Variants in WDR7 observed in about 807,000 individuals in gnomAD.
WDR7 encodes the protein WD repeat-containing protein 7.
Under a neutral mutation model 169.4 loss-of-function variants are expected in WDR7, and 46 were observed. The ratio of observed to expected loss-of-function variants is 0.27; its 90% CI spans 0.21 to 0.35. The LOEUF (loss-of-function observed/expected upper bound fraction) is 0.35, where lower values mean the gene tolerates loss of function less well. Among genes scored for constraint, WDR7 ranks in the 10% least tolerant of loss-of-function variants. The probability of loss-of-function intolerance (pLI) is 1.00; values close to 1 mark genes in which losing one functional copy is unlikely to be tolerated. For missense variants in WDR7, 1,534 were observed against 1,859.3 expected, an observed-to-expected ratio of 0.83 and a Z score of 3.22; for synonymous variants, 612 against 666.8, an observed-to-expected ratio of 0.92 and a Z score of 1.27.
At chr18:56,676,717 GT>G (rs1054564787) in intron 2 of WDR7, among the ~76,000 whole-genome samples, 6 of 145,448 alleles carry the variant, frequency 4.1e-5, no homozygotes, top group Non-Finnish European at 6.1e-5. Context: ...TGTTTTTTTG[GT>G]TTTTTTTTTG....
At chr18:56,734,752 G>A (rs999207496) in intron 14 of WDR7, among the ~76,000 whole-genome samples, 1 of 151,754 alleles carries the variant, frequency 6.6e-6, no homozygotes, top group East Asian at 1.9e-4. Flanking sequence ...CCTTTGTATG[G>A]GGTATTTTTT....
chr18:56,691,916 A>G, intron 9 of WDR7, 99 bp downstream of exon 9: 1 of 858,204 alleles, frequency 1.2e-6, no homozygotes. Flanking sequence ...ATTTGATACA[A>G]TTCAAAGCAC....
intron 27 of WDR7, among the ~76,000 whole-genome samples, chr18:57,022,043 C>T (rs937876261): frequency 5.9e-5 from 9 of 152,222 alleles, no homozygotes; most frequent in Admixed American, 5.9e-4. Context: ...AATATATCTC[C>T]AGCATCTTAA....
intron 26 of WDR7, among the ~76,000 whole-genome samples, chr18:56,965,272 G>T (rs1357699351): frequency 6.6e-6 from 1 of 152,034 alleles, no homozygotes; most frequent in African/African-American, 2.4e-5. Flanking sequence ...ACACTGAAAC[G>T]CAAGAAAGGA....
chr18:56,838,416 A>G (rs747869830), intron 20 of WDR7, among the ~76,000 whole-genome samples: 37 of 152,332 alleles, frequency 2.4e-4, no homozygotes, highest in Non-Finnish European at 2.4e-4. Context: ...GAAGTTAAGT[A>G]TAGTTTTCCT....
intron 21 of WDR7, among the ~76,000 whole-genome samples, chr18:56,895,277 T>TA (rs530356140): frequency 1.5e-3 from 222 of 152,030 alleles, no homozygotes; most frequent in African/African-American, 4.9e-3. Context: ...GTAGAAAATG[T>TA]AAAAAATCAT....
chr18:56,711,587 T>C (rs4547420), intron 12 of WDR7, among the ~76,000 whole-genome samples: 1 of 152,146 alleles, frequency 6.6e-6, no homozygotes. Context: ...TTAAAACTAG[T>C]CCTTAAAAGT....
At position 56,962,543 on chromosome 18, in the gene WDR7, T is replaced by C. The variant is rs372050958; in HGVS notation, c.4164+14T>C. On this transcript the variant is annotated intron_variant, in intron 26 of 27. Transcript: ENST00000254442. ...GGAAAATGTCAGGTAAATAAATCAT[T>C]GTGACTTCCTCTCCATAAAGCGTGG... The C allele has an allele frequency of 1.8e-4, 286 of 1,609,278 alleles. No individual in the cohort carries two copies. Among genetic ancestry groups the C allele is most frequent in the Non-Finnish European group, 2.3e-4 (271 of 1,176,246 alleles).
chr18:56,893,694 G>A (rs762790688), intron 21 of WDR7, among the ~76,000 whole-genome samples: 2 of 152,036 alleles, frequency 1.3e-5, no homozygotes, highest in African/African-American at 2.4e-5. Flanking sequence ...ATCAATAAAT[G>A]TATGGCTCTT....
At chr18:56,776,123 A>G (rs888916029) in intron 16 of WDR7, among the ~76,000 whole-genome samples, 2 of 152,112 alleles carry the variant, frequency 1.3e-5, no homozygotes, top group Non-Finnish European at 2.9e-5. Context: ...TGGTACCTCT[A>G]TAAGAAATAT....
intron 20 of WDR7, among the ~76,000 whole-genome samples, chr18:56,872,516 C>T (rs1457680835): frequency 6.6e-6 from 1 of 152,178 alleles, no homozygotes; most frequent in Non-Finnish European, 1.5e-5. Flanking sequence ...ATTTGAAGAA[C>T]ACTCTGTCAA....
rs60039364 is a variant in WDR7 at position 56,758,280 on chromosome 18, T to C, written c.2760-585T>C. ...ACTTTGTGTCAGTCTCTGTTGTAAG[T>C]ACTTTATAAAAACTAATTTGTTAGT... On this transcript the variant is annotated intron_variant, in intron 15 of 27. Transcript: ENST00000254442. Among the ~76,000 whole-genome samples the C allele has an allele frequency of 4.2e-3, 640 of 152,320 alleles. 25 individuals carry two copies. In the East Asian group the frequency reaches 0.11, roughly 25 times the overall value.
At chr18:56,977,411 G>T (rs1398288380) in intron 26 of WDR7, among the ~76,000 whole-genome samples, 1 of 152,156 alleles carries the variant, frequency 6.6e-6, no homozygotes, top group Non-Finnish European at 1.5e-5. Flanking sequence ...ATCCATTCTG[G>T]CATCCTGAAT....
intron 21 of WDR7, among the ~76,000 whole-genome samples, chr18:56,919,851 T>C (rs544323150): frequency 6.6e-6 from 1 of 152,214 alleles, no homozygotes; most frequent in Non-Finnish European, 1.5e-5. Context: ...TTTGCCCTTT[T>C]CTAATCACAT....
chr18:56,781,062 G>A (rs935456328), intron 18 of WDR7, among the ~76,000 whole-genome samples: 6 of 151,842 alleles, frequency 4.0e-5, no homozygotes, highest in Admixed American at 1.3e-4. Flanking sequence ...TAACTTATAC[G>A]TATTTGTTTG....
In WDR7 at chr18:56,974,886, G is replaced by A. The variant is rs1396331195; in HGVS notation, c.4164+12357G>A. 3.3e-5 allele frequency among the ~76,000 whole-genome samples: 5 copies of A among 152,314 alleles called. No homozygotes were observed. The East Asian group carries it at 7.7e-4, about 23-fold the overall frequency. ...GTGCTCCAGTAGAATGTGACAGTCT[G>A]CAGAGGAGGACAGGCTGAATCCTGT... is the stretch of plus-strand genomic sequence containing the variant. On this transcript the variant is annotated intron_variant, in intron 26 of 27. Transcript: ENST00000254442.
downstream of WDR7, chr18:57,032,852 A>G (rs1488537184): frequency 8.7e-6 from 1 of 115,528 alleles, no homozygotes; most frequent in African/African-American, 3.1e-5. Flanking sequence ...TATACAGTGT[A>G]ATAATAGAAA....
intron 20 of WDR7, among the ~76,000 whole-genome samples, chr18:56,876,808 A>C (rs534919941): frequency 2.0e-5 from 3 of 152,328 alleles, no homozygotes; most frequent in Non-Finnish European, 4.4e-5. Flanking sequence ...AGACAGTAGA[A>C]GGAGAAATAA....
chr18:56,916,160 C>T (rs2046622033), intron 21 of WDR7, among the ~76,000 whole-genome samples: 1 of 152,142 alleles, frequency 6.6e-6, no homozygotes, highest in Non-Finnish European at 1.5e-5. Context: ...GGTACATGTG[C>T]ACAACGTGCA....
Sources: gnomAD v4.1 joint callset for allele counts (sites outside exome capture counted in the v4.1 genomes callset) on GRCh38, gnomAD v4.1.1 for gene constraint, MANE v1.5 for transcripts, NCBI Gene and HGNC (gene_info 2026-07-23, HGNC 2026-07-21) for gene names.